The following ZEB2 variants were observed in gnomAD, a reference collection of about 807,000 sequenced individuals.
ZEB2 encodes zinc finger E-box binding homeobox 2.
ZEB2 carries 6 observed loss-of-function variants against 99.9 expected under a neutral mutation model. That is an observed-to-expected ratio of 0.06 (90% CI 0.03 to 0.12). ZEB2 has a LOEUF of 0.12. Among genes scored for constraint, ZEB2 ranks in the 10% least tolerant of loss-of-function variants. The pLI is 1.00. For synonymous variants in ZEB2, 517 were observed against 542.5 expected (o/e 0.95, Z 0.65); for missense variants, 969 against 1,502.8 (o/e 0.64, Z 5.87).
At chr2:144,470,815 C>T (rs2149909017) in intron 2 of ZEB2, among the ~76,000 whole-genome samples, 1 of 152,236 alleles carries the variant, frequency 6.6e-6, no homozygotes, top group East Asian at 1.9e-4. Flanking sequence ...GAACAAGACC[C>T]CTACACTTTT....
intron 2 of ZEB2, chr2:144,511,769 T>C (rs923869761): frequency 3.1e-6 from 4 of 1,285,882 alleles, no homozygotes; most frequent in Non-Finnish European, 4.0e-6. Flanking sequence ...GAAAATTACA[T>C]TTCATCTTCT....
At chr2:144,479,283 C>T (rs1002302919) in intron 2 of ZEB2, among the ~76,000 whole-genome samples, 4 of 152,162 alleles carry the variant, frequency 2.6e-5, no homozygotes, top group Non-Finnish European at 4.4e-5. Flanking sequence ...ATTGTTTCCC[C>T]GGATTCTTTT....
chr2:144,506,426 T>C (rs922129076), intron 2 of ZEB2, among the ~76,000 whole-genome samples: 2 of 152,202 alleles, frequency 1.3e-5, no homozygotes, highest in Non-Finnish European at 2.9e-5. Flanking sequence ...TGGGTCTATT[T>C]ATTATGAAAA....
intron 4 of ZEB2, among the ~76,000 whole-genome samples, chr2:144,415,546 C>G (rs1573731738): frequency 6.6e-6 from 1 of 152,184 alleles, no homozygotes; most frequent in Non-Finnish European, 1.5e-5. Flanking sequence ...GATAATAACC[C>G]ATCCCTTACA....
intron 2 of ZEB2, among the ~76,000 whole-genome samples, chr2:144,514,638 T>C (rs935893996): frequency 6.6e-6 from 1 of 152,234 alleles, no homozygotes; most frequent in Non-Finnish European, 1.5e-5. Flanking sequence ...GGTAGTACTC[T>C]TCTACCTGCT....
At position 144,511,422 on chromosome 2, in the gene ZEB2, C is replaced by T. The variant is rs951576434; in HGVS notation, c.73+5856G>A. 12 of 1,234,556 alleles carry T rather than the reference C, an allele frequency of 9.7e-6. No individual in the cohort carries two copies. The African/African-American group carries it at 1.7e-4, about 18-fold the overall frequency. The allele number at this position is 1,234,556 out of a possible 1,614,324, so 76.5% of individuals were successfully genotyped here. ...AAATCCTTTATTTACTTTGTAACTACTAGTTACACTTTTCCTGAGAGATTT... is the reference window on the plus strand; with the variant it reads ...AAATCCTTTATTTACTTTGTAACTATTAGTTACACTTTTCCTGAGAGATTT... On this transcript the variant is annotated intron_variant, in intron 2 of 9. Coordinates refer to ENST00000627532, the MANE Select transcript of ZEB2 (RefSeq NM_014795.4).
chr2:144,512,515 C>T, intron 2 of ZEB2: 1 of 1,287,186 alleles, frequency 7.8e-7, no homozygotes, highest in South Asian at 1.2e-5. Flanking sequence ...AACACTGAAA[C>T]CTATGACATA....
intron 2 of ZEB2, among the ~76,000 whole-genome samples, chr2:144,435,666 G>A (rs1703827648): frequency 6.6e-6 from 1 of 151,410 alleles, no homozygotes; most frequent in African/African-American, 2.4e-5. Context: ...AATCTCTTAT[G>A]CTTACATGCT....
At chr2:144,426,284 T>C (rs13016542) in intron 3 of ZEB2, among the ~76,000 whole-genome samples, 15,410 of 152,202 alleles carry the variant, frequency 0.1, 912 homozygotes, top group South Asian at 0.17. Flanking sequence ...ATTGTAATCA[T>C]TGATCATTTG....
In ZEB2 at chr2:144,467,162, T is replaced by TGA. The variant is rs543001188; in HGVS notation, c.74-37137_74-37136insTC. Among the ~76,000 whole-genome samples, 7 of 140,590 alleles carry TGA rather than the reference T, an allele frequency of 5.0e-5. No individual in the cohort carries two copies. The South Asian group carries it at 1.6e-3, about 32-fold the overall frequency. 92.2% of individuals were successfully genotyped at this position (140,590 alleles called of 152,430 possible). A position where few individuals can be genotyped will look rare whatever the true frequency, so the allele number is the denominator to read the frequency against. On this transcript the variant is annotated intron_variant, in intron 2 of 9. Coordinates refer to ENST00000627532, the MANE Select transcript of ZEB2 (RefSeq NM_014795.4). The stretch of plus-strand genomic sequence containing the variant: ...ATGTGTGATTATACCCATTGTTAAA[T>TGA]AAAAAAAAAAAGGCCTGTCTTTGAA...
At chr2:144,518,646 A>AT (rs1347716764) in intron 1 of ZEB2, 3 of 152,168 alleles carry the variant, frequency 2.0e-5, no homozygotes, top group Non-Finnish European at 4.4e-5. Flanking sequence ...GGAAGTGGAT[A>AT]TTTTAGAAAG....
chr2:144,423,586 A>G (rs1325596408), intron 4 of ZEB2, among the ~76,000 whole-genome samples: 1 of 152,210 alleles, frequency 6.6e-6, no homozygotes, highest in South Asian at 2.1e-4. Context: ...AGTCATTGTC[A>G]GGGCTGTGTG....
chr2:144,480,024 T>C (rs1704487611), intron 2 of ZEB2, among the ~76,000 whole-genome samples: 1 of 151,800 alleles, frequency 6.6e-6, no homozygotes, highest in Non-Finnish European at 1.5e-5. Context: ...AAAGCACAAA[T>C]CATATCATGT....
intron 2 of ZEB2, among the ~76,000 whole-genome samples, chr2:144,446,334 C>CT (rs1259835789): frequency 6.6e-6 from 1 of 151,904 alleles, no homozygotes; most frequent in South Asian, 2.1e-4. Context: ...TCCTTCCTCC[C>CT]TTCTTTTCTC....
chr2:144,481,133 A>G (rs1463404495), intron 2 of ZEB2, among the ~76,000 whole-genome samples: 4 of 152,238 alleles, frequency 2.6e-5, no homozygotes, highest in Admixed American at 2.6e-4. Flanking sequence ...GAGGAAAGAA[A>G]GGAAGGAGGA....
intron 2 of ZEB2, among the ~76,000 whole-genome samples, chr2:144,443,639 A>C (rs1703946546): frequency 6.6e-6 from 1 of 152,240 alleles, no homozygotes; most frequent in East Asian, 1.9e-4. Flanking sequence ...GATGGGAAAT[A>C]AAATGTGTAT....
intron 2 of ZEB2, among the ~76,000 whole-genome samples, chr2:144,472,855 A>G (rs1470158577): frequency 6.6e-6 from 1 of 151,822 alleles, no homozygotes; most frequent in Non-Finnish European, 1.5e-5. Flanking sequence ...AGAAAAAAAG[A>G]TTGGAACAAT....
Position 144,404,853 on chromosome 2 carries a change from T to A in ZEB2, c.575A>T (p.Asn192Ile). ...ELSRLGTPEA[N>I]GQEENDLPPG... ...AGCCTCACCATTTTCTTCTTGCCCA[T>A]TGGCCTCTGGCGTGCCAAGGCGAGA... The change falls in exon 5 of 10, where the codon AAT becomes ATT. Residue 192 changes from asparagine (N) to isoleucine (I), a missense_variant. By Grantham distance (149) the Asn-to-Ile change is moderately radical. This residue lies in a region of ZEB2 where 65 missense variants were observed against 147.7 expected (regional missense o/e 0.44). Transcript: ENST00000627532. 1.2e-6 allele frequency: 2 copies of A among 1,614,114 alleles called. No individual in the cohort carries two copies. The highest frequency in any genetic ancestry group is 1.7e-6 in the Non-Finnish European group (2 of 1,179,984).
intron 2 of ZEB2, chr2:144,430,952 G>A (rs1204706025): frequency 4.6e-5 from 7 of 152,070 alleles, no homozygotes; most frequent in South Asian, 2.1e-4. Flanking sequence ...TAATAAACAC[G>A]GGGCATTAGC....
Sources: allele counts gnomAD v4.1 joint callset (sites outside exome capture counted in the v4.1 genomes callset), GRCh38; gene constraint gnomAD v4.1.1; regional missense constraint gnomAD v4.1.1; transcripts MANE v1.5; gene names NCBI Gene and HGNC (gene_info 2026-07-23, HGNC 2026-07-21).